Variants in SLC66A2 observed in about 807,000 individuals in gnomAD.
The protein encoded by SLC66A2 is PQ loop repeat containing 1.
In SLC66A2, 23 loss-of-function variants were observed where a neutral mutation model predicts 25.5. The ratio of observed to expected loss-of-function variants is 0.90; its 90% CI spans 0.65 to 1.28. The LOEUF (loss-of-function observed/expected upper bound fraction) is 1.28, where lower values mean the gene tolerates loss of function less well. Ranked by LOEUF, SLC66A2 falls within the 50% of genes most tolerant of loss-of-function variation. The pLI is 0.00. For synonymous variants in SLC66A2, 193 were observed against 166.5 expected (o/e 1.16, Z -1.23); for missense variants, 396 against 373.1 (o/e 1.06, Z -0.51).
rs115189702 is a variant in SLC66A2 at position 79,917,504 on chromosome 18, C to T, written c.608+1680G>A. On this transcript the variant is annotated intron_variant, in intron 5 of 5. Coordinates refer to ENST00000397778, the MANE Select transcript of SLC66A2 (RefSeq NM_025078.5). The surrounding 1 kb of genome is among the most constrained non-coding windows in gnomAD (Gnocchi z 6.0). ...CCCACAGATCTCCAGGTCGCAAGCTCGGCACGCGGGCACTGCCCACAGGAT... is the reference window on the plus strand; with the variant it reads ...CCCACAGATCTCCAGGTCGCAAGCTTGGCACGCGGGCACTGCCCACAGGAT... 0.028 allele frequency among the ~76,000 whole-genome samples: 4,290 copies of T among 152,238 alleles called. 209 individuals are homozygous for T. Among genetic ancestry groups the T allele is most frequent in the African/African-American group, 0.097 (4,037 of 41,540 alleles).
intron 4 of SLC66A2, among the ~76,000 whole-genome samples, chr18:79,928,877 G>T (rs1387910163): frequency 6.6e-6 from 1 of 152,102 alleles, no homozygotes; most frequent in Non-Finnish European, 1.5e-5. Context: ...CTCACTGGGA[G>T]AGGTTCCACA....
rs894462777 is a variant in SLC66A2 at position 79,950,998 on chromosome 18, G to T, written c.-72C>A. ...GGCCACCGGCCGCCTGCTCATCGCC[G>T]CTCCGCGCGCTCCTGCGGCCTCGGG... On this transcript the variant is annotated 5_prime_UTR_variant, in exon 2 of 6. Coordinates refer to ENST00000397778, the MANE Select transcript of SLC66A2 (RefSeq NM_025078.5). 10 of 1,189,638 alleles carry T rather than the reference G, an allele frequency of 8.4e-6. No individual in the cohort carries two copies. Among genetic ancestry groups the T allele is most frequent in the Admixed American group, 4.0e-5 (1 of 25,254 alleles). The allele number at this position is 1,189,638 out of a possible 1,614,324, so 73.7% of individuals were successfully genotyped here.
intron 2 of SLC66A2, among the ~76,000 whole-genome samples, chr18:79,946,308 G>A (rs1014772560): frequency 5.3e-5 from 8 of 152,216 alleles, no homozygotes; most frequent in African/African-American, 1.4e-4. Flanking sequence ...AAATGAAAAC[G>A]AAACAGAATC....
chr18:79,909,523 A>G (rs1311404051), intron 5 of SLC66A2, among the ~76,000 whole-genome samples: 1 of 31,600 alleles, frequency 3.2e-5, no homozygotes, highest in Non-Finnish European at 6.9e-5. Context: ...TCCCCACAAC[A>G]TCACCACAGA....
chr18:79,911,682 G>A (rs1429675010), intron 5 of SLC66A2, among the ~76,000 whole-genome samples: 1 of 152,202 alleles, frequency 6.6e-6, no homozygotes, highest in Non-Finnish European at 1.5e-5. Context: ...ACGGGGACTG[G>A]AATCCCAGCC....
At chr18:79,951,245 G>A (rs1306565113) in intron 1 of SLC66A2, among the ~76,000 whole-genome samples, 1 of 151,748 alleles carries the variant, frequency 6.6e-6, no homozygotes, top group African/African-American at 2.4e-5. Flanking sequence ...CCGGGGTCGA[G>A]GACGGGCGAA....
At chr18:79,911,358 G>A (rs866869259) in intron 5 of SLC66A2, among the ~76,000 whole-genome samples, 6 of 152,344 alleles carry the variant, frequency 3.9e-5, no homozygotes, top group Admixed American at 2.0e-4. Context: ...TGAGGATTCC[G>A]CAGTGGCAGA....
chr18:79,909,029 T>C (rs905336494), intron 5 of SLC66A2, among the ~76,000 whole-genome samples: 1 of 152,226 alleles, frequency 6.6e-6, no homozygotes. Context: ...ACTCAACTCT[T>C]CATACATAAC....
chr18:79,918,658 G>T lies in SLC66A2; in HGVS notation c.608+526C>A, dbSNP rs894704340. On this transcript the variant is annotated intron_variant, in intron 5 of 5. Transcript: ENST00000397778. The surrounding 1 kb of genome is among the most constrained non-coding windows in gnomAD (Gnocchi z 4.0). The stretch of plus-strand genomic sequence containing the variant: ...GTGCCCTACCTCTGGCGGTCACGGG[G>T]ACGTCCAGGCACGCACTGGTGCAGG... 9.9e-5 allele frequency among the ~76,000 whole-genome samples: 15 copies of T among 152,252 alleles called. No individual in the cohort carries two copies. Among genetic ancestry groups the T allele is most frequent in the African/African-American group, 3.6e-4 (15 of 41,458 alleles).
At position 79,917,888 on chromosome 18, in the gene SLC66A2, A is replaced by G. The variant is rs1473818125; in HGVS notation, c.608+1296T>C. Among the ~76,000 whole-genome samples, 1 of 150,440 alleles carries G rather than the reference A, an allele frequency of 6.6e-6. No homozygotes were observed. Among genetic ancestry groups the G allele is most frequent in the African/African-American group, 2.5e-5 (1 of 40,804 alleles). ...ACACCATGCCAGCACCCCACACCTG[A>G]CCCATGCCCCACACCTCTACCTACA... On this transcript the variant is annotated intron_variant, in intron 5 of 5. Transcript: ENST00000397778. The surrounding 1 kb of genome is among the most constrained non-coding windows in gnomAD (Gnocchi z 6.0).
At chr18:79,946,001 C>T (rs991539509) in intron 2 of SLC66A2, among the ~76,000 whole-genome samples, 1 of 152,220 alleles carries the variant, frequency 6.6e-6, no homozygotes, top group African/African-American at 2.4e-5. Context: ...TGAGGCTGCA[C>T]GTGAGCCATT....
At chr18:79,926,259 A>G (rs1985935734) in intron 4 of SLC66A2, among the ~76,000 whole-genome samples, 1 of 152,184 alleles carries the variant, frequency 6.6e-6, no homozygotes, top group Non-Finnish European at 1.5e-5. Flanking sequence ...CTTCCCTAAT[A>G]AACTTGCTTT....
chr18:79,913,649 G>A lies in SLC66A2; in HGVS notation c.608+5535C>T, dbSNP rs753402793. 8.5e-5 allele frequency among the ~76,000 whole-genome samples: 13 copies of A among 152,234 alleles called. No individual in the cohort carries two copies. In the East Asian group the frequency reaches 1.7e-3, roughly 20 times the overall value. On this transcript the variant is annotated intron_variant, in intron 5 of 5. Transcript: ENST00000397778. ...CAACTGTGCATGCCGGCCTGTGCAC[G>A]TGTGTGCAAGTACACGAGACACAGG...
chr18:79,927,726 A>G lies in SLC66A2; in HGVS notation c.391+6243T>C, dbSNP rs546092472. Among the ~76,000 whole-genome samples the G allele has an allele frequency of 1.3e-5, 2 of 152,240 alleles. No individual in the cohort carries two copies. The highest frequency in any genetic ancestry group is 2.1e-4 in the South Asian group (1 of 4,828). ...TGAGCACGTCTAGGGCCAGAGTGGG[A>G]GGGCCAGCCGTGCCGGCTTCCAAAG... On this transcript the variant is annotated intron_variant, in intron 4 of 5. Coordinates refer to ENST00000397778, the MANE Select transcript of SLC66A2 (RefSeq NM_025078.5). This position sits in a 1 kb window ranked among gnomAD's most constrained non-coding sequence, Gnocchi z 6.2.
In SLC66A2 at chr18:79,927,041, A is replaced by G. The variant is rs1402959735; in HGVS notation, c.391+6928T>C. On this transcript the variant is annotated intron_variant, in intron 4 of 5. Transcript: ENST00000397778. The surrounding 1 kb of genome is among the most constrained non-coding windows in gnomAD (Gnocchi z 6.2). ...TCCAGGAAAAAACAAAAAAACGAAAAAACTTCTCACTTCCTTCAAATCCCT... is the reference window on the plus strand; with the variant it reads ...TCCAGGAAAAAACAAAAAAACGAAAGAACTTCTCACTTCCTTCAAATCCCT... 6.6e-6 allele frequency among the ~76,000 whole-genome samples: 1 copy of G among 152,198 alleles called. No homozygotes were observed. Among genetic ancestry groups the G allele is most frequent in the Non-Finnish European group, 1.5e-5 (1 of 68,030 alleles).
At position 79,927,841 on chromosome 18, in the gene SLC66A2, CCAGA is replaced by C. The variant is rs1457017557; in HGVS notation, c.391+6124_391+6127del. On this transcript the variant is annotated intron_variant, in intron 4 of 5. Coordinates refer to ENST00000397778, the MANE Select transcript of SLC66A2 (RefSeq NM_025078.5). This position sits in a 1 kb window ranked among gnomAD's most constrained non-coding sequence, Gnocchi z 6.2. ...TGTCCGCGTCCCAACCCAAGGCTGC[CCAGA>C]CAGACAAGCGCTCACCGCCGCACTG... Among the ~76,000 whole-genome samples the C allele has an allele frequency of 6.6e-6, 1 of 152,222 alleles. No individual in the cohort carries two copies. The highest frequency in any genetic ancestry group is 2.4e-5 in the African/African-American group (1 of 41,448).
At position 79,950,731 on chromosome 18, in the gene SLC66A2, G is replaced by A; in HGVS notation, c.196C>T (p.Leu66Phe). Residue 66 changes from leucine (L) to phenylalanine (F), a missense_variant, in exon 2 of 6, where the codon CTC becomes TTC. Leu to Phe is a conservative substitution (Grantham distance 22). Transcript: ENST00000397778. Reference sequence around the variant, plus strand: ...AGCAAGCCCCCAACTTACCAGAAGAGTATCCGCAAAATGTTGGCCACCAGC... The same window carrying A: ...AGCAAGCCCCCAACTTACCAGAAGAATATCCGCAAAATGTTGGCCACCAGC... ...VLLVANILRI[L>F]FWFGRRFESP... is the part of the protein sequence containing the mutation. 6.2e-7 allele frequency: 1 copy of A among 1,613,096 alleles called. No individual in the cohort carries two copies. Among genetic ancestry groups the A allele is most frequent in the Non-Finnish European group, 8.5e-7 (1 of 1,179,920 alleles).
intron 2 of SLC66A2, chr18:79,944,664 T>TTC (rs1248977151): frequency 6.6e-6 from 1 of 152,412 alleles, no homozygotes; most frequent in Non-Finnish European, 1.5e-5. Flanking sequence ...GGAATCTCAA[T>TTC]CAGCCTGCAG....
chr18:79,922,330 C>G (rs1014164344), intron 4 of SLC66A2, among the ~76,000 whole-genome samples: 2 of 151,130 alleles, frequency 1.3e-5, no homozygotes, highest in Non-Finnish European at 2.9e-5. Context: ...ATCTTAATCT[C>G]TGAGAAGCCG....
Sources: gnomAD v4.1 joint callset for allele counts (sites outside exome capture counted in the v4.1 genomes callset) on GRCh38, gnomAD v4.1.1 for gene constraint, Gnocchi (gnomAD v3.1) non-coding constraint, MANE v1.5 for transcripts, NCBI Gene and HGNC (gene_info 2026-07-23, HGNC 2026-07-21) for gene names.